Variants in CNTROB observed in about 807,000 individuals in gnomAD.
CNTROB encodes the protein centrobin, centriole duplication and spindle assembly protein, also known as centrobin.
A neutral mutation model predicts 115.7 loss-of-function variants in CNTROB; 82 were observed. The observed-to-expected ratio is 0.71, with a 90% CI of 0.59 to 0.85. The LOEUF is 0.85. Ranked by LOEUF, CNTROB falls within the 40% of genes least tolerant of loss-of-function variation. The pLI, the probability that CNTROB is intolerant of heterozygous loss-of-function variation, is 0.00. For synonymous variants in CNTROB, 439 were observed against 456.4 expected (o/e 0.96, Z 0.49); for missense variants, 1,014 against 1,144.4 (o/e 0.89, Z 1.64).
chr17:7,939,751 T>G lies in CNTROB; in HGVS notation c.1164+2T>G. Reference sequence around the variant, plus strand: ...CAGGCTCAGCTGGAAAGGGAGAAGGTAAAAGTGGCAGTTGGAAGAGCTGAG... The same window carrying G: ...CAGGCTCAGCTGGAAAGGGAGAAGGGAAAAGTGGCAGTTGGAAGAGCTGAG... On this transcript the variant is annotated splice_donor_variant, in intron 8 of 18. Coordinates refer to ENST00000563694, the MANE Select transcript of CNTROB (RefSeq NM_053051.5). LOFTEE classifies it high-confidence loss of function. This position sits in a 1 kb window ranked among gnomAD's most constrained non-coding sequence, Gnocchi z 4.4. 6.2e-7 allele frequency: 1 copy of G among 1,613,040 alleles called. No homozygotes were observed. The highest frequency in any genetic ancestry group is 1.1e-5 in the South Asian group (1 of 91,014).
Position 7,944,558 on chromosome 17 carries a change from A to G in CNTROB, c.1654A>G (p.Arg552Gly), listed in dbSNP as rs1200923564. The change falls in exon 12 of 19, where the codon AGA becomes GGA. Residue 552 changes from arginine (R) to glycine (G), a missense_variant. By Grantham distance (125) the Arg-to-Gly change is moderately radical (BLOSUM62 -2). Transcript: ENST00000563694. The surrounding 1 kb of genome is among the most constrained non-coding windows in gnomAD (Gnocchi z 4.0). ...GGAGCAGCGGGTGGAGCTGGTGGAA[A>G]GACTGCAGGCCATGCTGCAGGCCCA... is the stretch of plus-strand genomic sequence containing the variant. ...LEEQRVELVE[R>G]LQAMLQAHWD... is the part of the protein sequence containing the mutation. 2 of 1,614,122 alleles carry G rather than the reference A, an allele frequency of 1.2e-6. No individual in the cohort carries two copies. The highest frequency in any genetic ancestry group is 2.2e-5 in the South Asian group (2 of 91,080).
intron 7 of CNTROB, among the ~76,000 whole-genome samples, chr17:7,938,853 A>T (rs1300728247): frequency 6.6e-6 from 1 of 152,188 alleles, no homozygotes; most frequent in Non-Finnish European, 1.5e-5. Context: ...ATCTTGGCTC[A>T]CTGCAACCTC....
chr17:7,949,308 C>T (rs372767429), intron 18 of CNTROB, 77 bp from the exon 19 acceptor site: 10 of 1,599,232 alleles, frequency 6.3e-6, no homozygotes, highest in Admixed American at 5.0e-5. Context: ...GCCCTCTCCA[C>T]GTGCATTTCC....
At chr17:7,947,176 AAGAG>A (rs1229455674) in intron 13 of CNTROB, among the ~76,000 whole-genome samples, 6 of 148,724 alleles carry the variant, frequency 4.0e-5, no homozygotes, top group African/African-American at 7.4e-5. Flanking sequence ...AAAAAAAAAA[AAGAG>A]AGATTAGTTG....
At chr17:7,936,053 G>T in intron 4 of CNTROB, 1 of 289,722 alleles carries the variant, frequency 3.5e-6, no homozygotes, top group Non-Finnish European at 6.6e-6. Context: ...GAGTAACTTT[G>T]CACATTTTGC....
chr17:7,948,710 G>C lies in CNTROB; in HGVS notation c.2513+91G>C, dbSNP rs781782635. Reference sequence around the variant, plus strand: ...GGTGTGTTTTACACTGAATTGAATCGTTGTCCTTTTCTGGGGAGGAAAGTG... The same window carrying C: ...GGTGTGTTTTACACTGAATTGAATCCTTGTCCTTTTCTGGGGAGGAAAGTG... On this transcript the variant is annotated intron_variant, in intron 17 of 18. Transcript: ENST00000563694. The surrounding 1 kb of genome is among the most constrained non-coding windows in gnomAD (Gnocchi z 4.4). The C allele has an allele frequency of 6.8e-6, 11 of 1,612,012 alleles. No homozygotes were observed. Among genetic ancestry groups the C allele is most frequent in the Non-Finnish European group, 8.5e-6 (10 of 1,178,342 alleles).
In CNTROB at chr17:7,948,785, C is replaced by CT. The variant is rs1370020379; in HGVS notation, c.2513+170dup. ...TCTTCTCTAACTGCCCCACACTTTTCTTTTATCTCCTCCTTTCTATTGCTT... is the reference window on the plus strand; with the variant it reads ...TCTTCTCTAACTGCCCCACACTTTTCTTTTTATCTCCTCCTTTCTATTGCTT... On this transcript the variant is annotated intron_variant, in intron 17 of 18. Transcript: ENST00000563694. This position sits in a 1 kb window ranked among gnomAD's most constrained non-coding sequence, Gnocchi z 4.4. 2 of 1,534,818 alleles carry CT rather than the reference C, an allele frequency of 1.3e-6. No individual in the cohort carries two copies. Among genetic ancestry groups the CT allele is most frequent in the East Asian group, 4.7e-5 (2 of 42,292 alleles).
In CNTROB at chr17:7,947,621, A is replaced by G. The variant is rs923504691; in HGVS notation, c.2044A>G (p.Arg682Gly). The change falls in exon 14 of 19, where the codon AGG becomes GGG. Residue 682 changes from arginine to glycine, a missense_variant. By Grantham distance (125) the Arg-to-Gly change is moderately radical (BLOSUM62 -2). Coordinates refer to ENST00000563694, the MANE Select transcript of CNTROB (RefSeq NM_053051.5). ...GAFHPDHRAERPFPEEDPGPD... is the reference protein window; with the variant it reads ...GAFHPDHRAEGPFPEEDPGPD... Reference sequence around the variant, plus strand: ...CTTCCATCCCGATCATAGGGCAGAAAGGCCATTCCCTGAGGAAGATCCTGG... The same window carrying G: ...CTTCCATCCCGATCATAGGGCAGAAGGGCCATTCCCTGAGGAAGATCCTGG... 1.2e-6 allele frequency: 2 copies of G among 1,613,454 alleles called. No homozygotes were observed. The highest frequency in any genetic ancestry group is 2.7e-5 in the African/African-American group (2 of 74,928).
At position 7,933,076 on chromosome 17, in the gene CNTROB, A is replaced by G; in HGVS notation, c.-4A>G. 2 of 1,613,478 alleles carry G rather than the reference A, an allele frequency of 1.2e-6. No individual in the cohort carries two copies. The highest frequency in any genetic ancestry group is 1.7e-6 in the Non-Finnish European group (2 of 1,179,710). ...CTGTCTCCGGTTGTCTCTTCCCTGT[A>G]TTCATGGCAACATCAGCTGACAGCC... is the stretch of plus-strand genomic sequence containing the variant. On this transcript the variant is annotated 5_prime_UTR_variant, in exon 1 of 19. Coordinates refer to ENST00000563694, the MANE Select transcript of CNTROB (RefSeq NM_053051.5).
At chr17:7,949,044 G>A in intron 17 of CNTROB, 41 bp from the exon 18 acceptor site, 1 of 1,613,196 alleles carries the variant, frequency 6.2e-7, no homozygotes, top group Non-Finnish European at 8.5e-7. Flanking sequence ...TAACCGGGGG[G>A]ACGGAGATCC....
intron 13 of CNTROB, among the ~76,000 whole-genome samples, chr17:7,947,115 C>T (rs533698953): frequency 2.0e-5 from 3 of 149,456 alleles, no homozygotes; most frequent in South Asian, 2.1e-4. Flanking sequence ...GAGCCGAGAT[C>T]GCGCCGCTGC....
Position 7,932,905 on chromosome 17 carries a change from G to C in CNTROB, c.-175G>C, listed in dbSNP as rs1453374207. On this transcript the variant is annotated 5_prime_UTR_variant, in exon 1 of 19. Transcript: ENST00000563694. ...CCCACTCCCATGGCCCCTGGAACTG[G>C]TGGAAACCTTTCCTCTAACCAGAAA... The C allele has an allele frequency of 8.8e-6, 6 of 679,608 alleles. No homozygotes were observed. In the East Asian group the frequency reaches 1.4e-4, roughly 15 times the overall value. The allele number at this position is 679,608 out of a possible 1,614,324, so 42.1% of individuals were successfully genotyped here. A position where few individuals can be genotyped will look rare whatever the true frequency, so the allele number is the denominator to read the frequency against.
chr17:7,947,524 C>A (rs375164097), intron 13 of CNTROB, 47 bp from the exon 14 acceptor site: 40 of 1,506,724 alleles, frequency 2.7e-5, no homozygotes, highest in Non-Finnish European at 3.4e-5. Context: ...GAAGCCCCTT[C>A]CCCCCTGAAC....
At position 7,937,148 on chromosome 17, in the gene CNTROB, C is replaced by T. The variant is rs745843908; in HGVS notation, c.829-16C>T. The T allele has an allele frequency of 3.7e-6, 6 of 1,614,036 alleles. No individual in the cohort carries two copies. In the South Asian group the frequency reaches 5.5e-5, roughly 15 times the overall value. On this transcript the variant is annotated splice_polypyrimidine_tract_variant and intron_variant, in intron 6 of 18. Transcript: ENST00000563694. Reference sequence around the variant, plus strand: ...TCCCACAGTTCCTCTGCCCTGTATTCCTCTCTTCCTGAAAGACAGTAACCC... The same window carrying T: ...TCCCACAGTTCCTCTGCCCTGTATTTCTCTCTTCCTGAAAGACAGTAACCC...
In CNTROB at chr17:7,948,780, CTT is replaced by C; in HGVS notation, c.2513+164_2513+165del. 1 of 1,548,476 alleles carries C rather than the reference CTT, an allele frequency of 6.5e-7. No individual in the cohort carries two copies. The highest frequency in any genetic ancestry group is 8.7e-7 in the Non-Finnish European group (1 of 1,144,418). The stretch of plus-strand genomic sequence containing the variant: ...ACAGATCTTCTCTAACTGCCCCACA[CTT>C]TTCTTTTATCTCCTCCTTTCTATTG... On this transcript the variant is annotated intron_variant, in intron 17 of 18. Transcript: ENST00000563694. The surrounding 1 kb of genome is among the most constrained non-coding windows in gnomAD (Gnocchi z 4.4).
At chr17:7,946,992 C>T (rs1330777924) in intron 13 of CNTROB, among the ~76,000 whole-genome samples, 2 of 151,908 alleles carry the variant, frequency 1.3e-5, no homozygotes, top group African/African-American at 4.8e-5. Context: ...AACCCCGTCT[C>T]TACTAAAAAT....
chr17:7,938,067 A>G (rs1490293863), intron 7 of CNTROB, among the ~76,000 whole-genome samples: 4 of 147,162 alleles, frequency 2.7e-5, no homozygotes, highest in African/African-American at 5.1e-5. Context: ...CAGTGGCACA[A>G]TCTCAGCTCA....
chr17:7,949,591 G>C lies in CNTROB; in HGVS notation c.*81G>C. On this transcript the variant is annotated 3_prime_UTR_variant, in exon 19 of 19. Transcript: ENST00000563694. ...TCATTAGTCTGTATCAGAGTCTCTG[G>C]CTCATAGGAATTTGGAAAATAGAGG... The C allele has an allele frequency of 2.1e-6, 3 of 1,398,418 alleles. No homozygotes were observed. The highest frequency in any genetic ancestry group is 2.8e-6 in the Non-Finnish European group (3 of 1,058,880). The allele number at this position is 1,398,418 out of a possible 1,614,324, so 86.6% of individuals were successfully genotyped here. A position where few individuals can be genotyped will look rare whatever the true frequency, so the allele number is the denominator to read the frequency against.
chr17:7,936,295 GA>G, intron 4 of CNTROB, 70 bp from the exon 5 acceptor site: 1 of 781,360 alleles, frequency 1.3e-6, no homozygotes, highest in South Asian at 1.3e-5. Flanking sequence ...CCCACTAGAG[GA>G]GCTGGAAAGT....
Sources: allele counts gnomAD v4.1 joint callset (sites outside exome capture counted in the v4.1 genomes callset), GRCh38; gene constraint gnomAD v4.1.1; non-coding constraint Gnocchi (gnomAD v3.1); transcripts MANE v1.5; gene names NCBI Gene and HGNC (gene_info 2026-07-23, HGNC 2026-07-21).